Variants in DMD observed in about 807,000 individuals in gnomAD.
DMD encodes mutant dystrophin.
Under a neutral mutation model 330.1 loss-of-function variants are expected in DMD, and 63 were observed. The observed-to-expected ratio is 0.19, with a 90% CI of 0.16 to 0.24. The LOEUF is 0.24. Ranked by LOEUF, DMD falls within the 10% of genes least tolerant of loss-of-function variation. The pLI, the probability that DMD is intolerant of heterozygous loss-of-function variation, is 1.00. For synonymous variants in DMD, 1,223 were observed against 959.8 expected (o/e 1.27, Z -5.07); for missense variants, 3,344 against 2,684.1 (o/e 1.25, Z -5.43).
At chrX:32,578,033 A>C (rs1369916287) in intron 13 of DMD, among the ~76,000 whole-genome samples, 2 of 112,422 alleles carry the variant, frequency 1.8e-5, no homozygotes. Flanking sequence ...CAATTGGAAG[A>C]CTATATCCCT....
At chrX:32,654,476 A>T (rs1226155279) in intron 9 of DMD, among the ~76,000 whole-genome samples, 1 of 112,076 alleles carries the variant, frequency 8.9e-6, no homozygotes. Context: ...GTGTTGAACC[A>T]GCCCTGCATC....
rs763040501 is a variant in DMD at position 31,299,172 on chromosome X, A to G, written c.9224+24426T>C. 3.8e-4 allele frequency among the ~76,000 whole-genome samples: 42 copies of G among 111,962 alleles called. 1 individual carries two copies. The highest frequency in any genetic ancestry group is 1.2e-3 in the Admixed American group (13 of 10,526). ...GAGGGCACAATGTTCCACTTTAATT[A>G]GAATAATAAGGAATGCTGATGCACA... is the stretch of plus-strand genomic sequence containing the variant. On this transcript the variant is annotated intron_variant, in intron 62 of 78. Coordinates refer to ENST00000357033, the MANE Select transcript of DMD (RefSeq NM_004006.3).
chrX:32,417,836 C>T (rs947355701), intron 29 of DMD, among the ~76,000 whole-genome samples: 4 of 110,575 alleles, frequency 3.6e-5, no homozygotes, highest in African/African-American at 1.3e-4. Flanking sequence ...CACACACACA[C>T]ACACACACAA....
intron 61 of DMD, among the ~76,000 whole-genome samples, chrX:31,323,920 T>G (rs929954143): frequency 6.3e-5 from 7 of 111,187 alleles, no homozygotes; most frequent in Admixed American, 4.8e-4. Flanking sequence ...ATAGAACAGA[T>G]AAGAAACTGA....
chrX:33,326,064 T>C (rs2054085263), intron 1 of DMD, among the ~76,000 whole-genome samples: 1 of 111,097 alleles, frequency 9.0e-6, no homozygotes, highest in Non-Finnish European at 1.9e-5. Context: ...CGCATTTCCC[T>C]AAACTGAATG....
chrX:32,130,258 A>C (rs2096685212), intron 44 of DMD, among the ~76,000 whole-genome samples: 1 of 111,762 alleles, frequency 8.9e-6, no homozygotes, highest in Non-Finnish European at 1.9e-5. Flanking sequence ...TTTTGGATTT[A>C]CAGATCAAGT....
At chrX:31,133,333 CTTTGT>C (rs893011660) in intron 77 of DMD, among the ~76,000 whole-genome samples, 5 of 111,298 alleles carry the variant, frequency 4.5e-5, no homozygotes, top group African/African-American at 1.6e-4. Flanking sequence ...GAGAGAGTGA[CTTTGT>C]TTTATGTGAG....
rs191384606 is a variant in DMD at position 31,204,559 on chromosome X, A to G, written c.9650-441T>C. On this transcript the variant is annotated intron_variant, in intron 66 of 78. Coordinates refer to ENST00000357033, the MANE Select transcript of DMD (RefSeq NM_004006.3). ...AGTTGGGACTTCTTTATGGAGTCATAAGATCACTGAGCTTCTAGTCCATCA... is the reference window on the plus strand; with the variant it reads ...AGTTGGGACTTCTTTATGGAGTCATGAGATCACTGAGCTTCTAGTCCATCA... 4.6e-4 allele frequency among the ~76,000 whole-genome samples: 52 copies of G among 112,522 alleles called. No homozygotes were observed. In the East Asian group the frequency reaches 0.014, roughly 30 times the overall value.
chrX:32,809,919 CAAAAAAA>C (rs55898363), intron 6 of DMD, among the ~76,000 whole-genome samples: 33 of 28,651 alleles, frequency 1.2e-3, no homozygotes, highest in Admixed American at 3.3e-3. Flanking sequence ...TTGTTTCTAC[CAAAAAAA>C]AAAAAAAAAA....
At chrX:33,313,494 G>A (rs1335942715) in intron 1 of DMD, among the ~76,000 whole-genome samples, 1 of 111,512 alleles carries the variant, frequency 9.0e-6, no homozygotes, top group Non-Finnish European at 1.9e-5. Flanking sequence ...CAGTTAAGAT[G>A]TACTGCAATT....
At chrX:32,634,896 G>A (rs7065240) in intron 11 of DMD, among the ~76,000 whole-genome samples, 16,623 of 111,057 alleles carry the variant, frequency 0.15, 2,427 homozygotes, top group African/African-American at 0.45. Context: ...CTCTGAGCCC[G>A]GCACAGCACC....
At chrX:32,509,402 A>T (rs915116815) in intron 18 of DMD, among the ~76,000 whole-genome samples, 2 of 111,055 alleles carry the variant, frequency 1.8e-5, no homozygotes, top group Non-Finnish European at 3.8e-5. Context: ...AAAACCAAAA[A>T]CAAAGTCTAA....
chrX:31,596,502 G>A (rs957223668), intron 55 of DMD, among the ~76,000 whole-genome samples: 4 of 111,424 alleles, frequency 3.6e-5, no homozygotes, highest in African/African-American at 1.3e-4. Context: ...AGAAGACCTG[G>A]GCTGTTGGAC....
intron 44 of DMD, among the ~76,000 whole-genome samples, chrX:32,179,342 T>C (rs1403218955): frequency 2.7e-5 from 3 of 111,702 alleles, no homozygotes; most frequent in African/African-American, 9.8e-5. Flanking sequence ...GTTCTGATAA[T>C]GAGTGTGTTT....
At chrX:33,210,391 T>C (rs1299451527) in intron 1 of DMD, among the ~76,000 whole-genome samples, 1 of 111,218 alleles carries the variant, frequency 9.0e-6, no homozygotes, top group Non-Finnish European at 1.9e-5. Flanking sequence ...GGACACACAG[T>C]CCTTATCATA....
intron 44 of DMD, among the ~76,000 whole-genome samples, chrX:32,062,201 A>G (rs142354154): frequency 0.012 from 1,370 of 110,788 alleles, 18 homozygotes; most frequent in Middle Eastern, 0.037. Context: ...TAAAGTGTAA[A>G]GAATTGGTGA....
chrX:32,016,954 C>T (rs2095765987), intron 44 of DMD, among the ~76,000 whole-genome samples: 2 of 112,341 alleles, frequency 1.8e-5, no homozygotes, highest in South Asian at 7.4e-4. Context: ...ACAAATATGT[C>T]AACACAAGAA....
intron 50 of DMD, among the ~76,000 whole-genome samples, chrX:31,787,580 C>T (rs2091368070): frequency 9.0e-6 from 1 of 111,268 alleles, no homozygotes; most frequent in South Asian, 3.8e-4. Flanking sequence ...TGCACACTTC[C>T]TGTAACTAAA....
At chrX:31,441,189 T>TTTTTATTTTA (rs199783061) in intron 60 of DMD, among the ~76,000 whole-genome samples, 1 of 111,876 alleles carries the variant, frequency 8.9e-6, no homozygotes, top group Admixed American at 9.6e-5. Flanking sequence ...CAGTTCTCTA[T>TTTTTATTTTA]TTTTATTTTA....
Sources: gnomAD v4.1 joint callset for allele counts (sites outside exome capture counted in the v4.1 genomes callset) on GRCh38, gnomAD v4.1.1 for gene constraint, MANE v1.5 for transcripts, NCBI Gene and HGNC (gene_info 2026-07-23, HGNC 2026-07-21) for gene names.